The following FKBP1A variants were observed in gnomAD, a reference collection of about 807,000 sequenced individuals.
FKBP1A encodes the protein FKBP prolyl isomerase 1A, also known as peptidyl-prolyl cis-trans isomerase FKBP1A.
FKBP1A carries 5 observed loss-of-function variants against 14.2 expected under a neutral mutation model. That is an observed-to-expected ratio of 0.35 (90% confidence interval 0.18 to 0.74). The LOEUF (loss-of-function observed/expected upper bound fraction) is 0.74, where lower values mean the gene tolerates loss of function less well. Ranked by LOEUF, FKBP1A falls within the 30% of genes least tolerant of loss-of-function variation. The pLI is 0.56. For missense variants in FKBP1A, 53 were observed against 138.8 expected (o/e 0.38, Z 3.10); for synonymous variants, 42 against 49.1 (o/e 0.86, Z 0.60).
chr20:1,393,044 G>C lies in FKBP1A; in HGVS notation c.-46C>G, dbSNP rs1381722497. The C allele has an allele frequency of 1.5e-6, 2 of 1,291,504 alleles. No individual in the cohort carries two copies. The highest frequency in any genetic ancestry group is 2.1e-6 in the Non-Finnish European group (2 of 968,606). The allele number at this position is 1,291,504 out of a possible 1,614,324, so 80.0% of individuals were successfully genotyped here. On this transcript the variant is annotated 5_prime_UTR_variant, in exon 1 of 5. Coordinates refer to ENST00000400137, the MANE Select transcript of FKBP1A (RefSeq NM_000801.5). ...GGGCGGGCGGCGCGACGGGCGGCGT[G>C]GACCAACAGCGACCTGGCGGCGGTT... is the stretch of plus-strand genomic sequence containing the variant.
chr20:1,376,926 C>G (rs564913525), intron 2 of FKBP1A: 16 of 152,278 alleles, frequency 1.1e-4, no homozygotes, highest in African/African-American at 3.9e-4. Context: ...ACACCATCGG[C>G]ATTGCTTTCT....
At chr20:1,387,476 G>A (rs1446206896) in intron 2 of FKBP1A, among the ~76,000 whole-genome samples, 1 of 152,254 alleles carries the variant, frequency 6.6e-6, no homozygotes, top group Admixed American at 6.5e-5. Context: ...AAAGCAAATA[G>A]AGGGGGAAAA....
rs2089755323 is a variant in FKBP1A, at chr20:1,392,758, C to T, written c.85+76G>A. 4.2e-6 allele frequency: 5 copies of T among 1,181,178 alleles called. No homozygotes were observed. In the East Asian group the frequency reaches 1.3e-4, roughly 31 times the overall value. 73.2% of individuals were successfully genotyped at this position (1,181,178 alleles called of 1,614,324 possible). A position where few individuals can be genotyped will look rare whatever the true frequency, so the allele number is the denominator to read the frequency against. ...GCCCCGGACCCCAGGCCCCGGGCCC[C>T]CAGGCCTCGACGGCCAGCCGCACCC... On this transcript the variant is annotated intron_variant, in intron 2 of 4. Coordinates refer to ENST00000400137, the MANE Select transcript of FKBP1A (RefSeq NM_000801.5).
intron 2 of FKBP1A, among the ~76,000 whole-genome samples, chr20:1,389,803 G>A (rs1367453027): frequency 6.6e-6 from 1 of 152,220 alleles, no homozygotes; most frequent in Non-Finnish European, 1.5e-5. Context: ...TAAAGATGAC[G>A]AAGCTACTGG....
chr20:1,373,096 G>C (rs959964963), intron 3 of FKBP1A: 2 of 152,264 alleles, frequency 1.3e-5, no homozygotes, highest in Non-Finnish European at 1.5e-5. Context: ...TGAATAAAGA[G>C]GAAGCTCCAG....
intron 2 of FKBP1A, among the ~76,000 whole-genome samples, chr20:1,390,845 AT>A (rs2089727413): frequency 1.3e-5 from 2 of 152,202 alleles, no homozygotes; most frequent in South Asian, 4.1e-4. Context: ...TATAGGGCTT[AT>A]CAAAACGAAA....
At chr20:1,385,656 A>G (rs574287141) in intron 2 of FKBP1A, among the ~76,000 whole-genome samples, 1 of 152,228 alleles carries the variant, frequency 6.6e-6, no homozygotes, top group African/African-American at 2.4e-5. Flanking sequence ...ATGGCCTACA[A>G]GACCCTCTAA....
intron 2 of FKBP1A, among the ~76,000 whole-genome samples, chr20:1,381,880 T>G (rs747373202): frequency 1.3e-5 from 2 of 152,138 alleles, no homozygotes; most frequent in Non-Finnish European, 2.9e-5. Flanking sequence ...AAATCTACAC[T>G]GACAAAAAAG....
chr20:1,372,351 C>G lies in FKBP1A; in HGVS notation c.199-111G>C, dbSNP rs2089477299. 3 of 1,201,284 alleles carry G rather than the reference C, an allele frequency of 2.5e-6. No individual in the cohort carries two copies. In the East Asian group the frequency reaches 7.3e-5, roughly 29 times the overall value. 74.4% of individuals were successfully genotyped at this position (1,201,284 alleles called of 1,614,324 possible). ...CCTTGGCCAGGATGGTATTGACTTT[C>G]CAGTGACTTTGCAGCTGCCCAGGCA... On this transcript the variant is annotated intron_variant, in intron 3 of 4. Coordinates refer to ENST00000400137, the MANE Select transcript of FKBP1A (RefSeq NM_000801.5).
At position 1,369,335 on chromosome 20, in the gene FKBP1A, A is replaced by G. The variant is rs2089429818; in HGVS notation, c.*774T>C. On this transcript the variant is annotated 3_prime_UTR_variant, in exon 5 of 5. Transcript: ENST00000400137. The stretch of plus-strand genomic sequence containing the variant: ...AGGAAGTGGTGGAGCTTGGAAAGTT[A>G]TGAGATTACAAAATTCCTGAAAGTC... 1 of 166,696 alleles carries G rather than the reference A, an allele frequency of 6.0e-6. No homozygotes were observed. The highest frequency in any genetic ancestry group is 1.5e-5 in the Non-Finnish European group (1 of 68,024). 10.3% of individuals were successfully genotyped at this position (166,696 alleles called of 1,614,324 possible).
intron 2 of FKBP1A, among the ~76,000 whole-genome samples, chr20:1,381,089 T>C (rs1281032068): frequency 6.6e-6 from 1 of 152,182 alleles, no homozygotes; most frequent in Non-Finnish European, 1.5e-5. Context: ...AAAAGCACTA[T>C]CTATAAAAGA....
intron 2 of FKBP1A, chr20:1,377,208 G>T (rs1323135): frequency 0.3 from 46,325 of 152,132 alleles, 7,905 homozygotes; most frequent in East Asian, 0.76. Flanking sequence ...GTCAACATTT[G>T]TAAGTAGGAT....
chr20:1,373,519 G>GA (rs1022063849), intron 3 of FKBP1A, among the ~76,000 whole-genome samples: 12 of 152,234 alleles, frequency 7.9e-5, no homozygotes, highest in African/African-American at 2.6e-4. Flanking sequence ...CTCACTTGGT[G>GA]AAAAAATATG....
intron 2 of FKBP1A, among the ~76,000 whole-genome samples, chr20:1,376,498 G>A (rs1367735899): frequency 6.6e-6 from 1 of 152,172 alleles, no homozygotes; most frequent in African/African-American, 2.4e-5. Flanking sequence ...GGTTGCAGTG[G>A]TGGCCCTTCA....
intron 4 of FKBP1A, chr20:1,370,280 T>C (rs1320611849): frequency 1.0e-6 from 1 of 985,324 alleles, no homozygotes; most frequent in Admixed American, 6.1e-5. Context: ...AATTGATCTG[T>C]GTGTTTTGTT....
At chr20:1,371,177 T>A (rs1600322316) in intron 4 of FKBP1A, 1 of 985,218 alleles carries the variant, frequency 1.0e-6, no homozygotes, top group African/African-American at 1.7e-5. Context: ...AATAAAAAGG[T>A]CTGGGGCCAG....
intron 2 of FKBP1A, among the ~76,000 whole-genome samples, chr20:1,389,247 G>C (rs766033826): frequency 6.6e-5 from 10 of 152,182 alleles, no homozygotes; most frequent in Non-Finnish European, 8.8e-5. Context: ...CCTAGAGCCT[G>C]GCTTGCTGCT....
At chr20:1,385,595 C>G (rs1365763382) in intron 2 of FKBP1A, among the ~76,000 whole-genome samples, 2 of 152,020 alleles carry the variant, frequency 1.3e-5, no homozygotes, top group African/African-American at 4.8e-5. Flanking sequence ...TACTACCCCT[C>G]GGCTGAAAAA....
rs1012578920 is a variant in FKBP1A, at chr20:1,387,573, C to T, written c.85+5261G>A. Among the ~76,000 whole-genome samples, 20 of 152,096 alleles carry T rather than the reference C, an allele frequency of 1.3e-4. 2 individuals are homozygous for T. Among genetic ancestry groups the T allele is most frequent in the Admixed American group, 1.2e-3 (19 of 15,270 alleles). On this transcript the variant is annotated intron_variant, in intron 2 of 4. Coordinates refer to ENST00000400137, the MANE Select transcript of FKBP1A (RefSeq NM_000801.5). ...AAAATTGGTAATTAAAGGCTGGGCA[C>T]GGTGGCTCATGCCTGTACTACCAGC...
Sources: allele counts gnomAD v4.1 joint callset (sites outside exome capture counted in the v4.1 genomes callset), GRCh38; gene constraint gnomAD v4.1.1; transcripts MANE v1.5; gene names NCBI Gene and HGNC (gene_info 2026-07-23, HGNC 2026-07-21).